The following AR variants were observed in gnomAD, a reference collection of about 807,000 sequenced individuals.
AR encodes androgen receptor.
In AR, 8 loss-of-function variants were observed where a neutral mutation model predicts 53.9. The ratio of observed to expected loss-of-function variants is 0.15; its 90% CI spans 0.09 to 0.27. The LOEUF (loss-of-function observed/expected upper bound fraction) is 0.27, where lower values mean the gene tolerates loss of function less well. AR is among the 10% of genes least tolerant of loss of function. The pLI is 1.00. For synonymous variants in AR, 359 were observed against 316.4 expected (o/e 1.13, Z -1.43); for missense variants, 639 against 742.5 (o/e 0.86, Z 1.62).
intron 1 of AR, among the ~76,000 whole-genome samples, chrX:67,621,205 C>A (rs926370672): frequency 9.0e-6 from 1 of 111,368 alleles, no homozygotes; most frequent in Non-Finnish European, 1.9e-5. Flanking sequence ...CTGGTCAATT[C>A]TCTGTCTCTA....
Position 67,602,589 on chromosome X carries a change from G to C in AR, c.1617-40667G>C, listed in dbSNP as rs183653608. Among the ~76,000 whole-genome samples, 49 of 112,065 alleles carry C rather than the reference G, an allele frequency of 4.4e-4. 1 individual carries two copies. In the South Asian group the frequency reaches 0.016, roughly 36 times the overall value. On this transcript the variant is annotated intron_variant, in intron 1 of 7. Coordinates refer to ENST00000374690, the MANE Select transcript of AR (RefSeq NM_000044.6). ...CCAGTACTAACTTGAAGATAGAGGAGGCTGCATGGAAAGTGGCCTTTAGGA... is the reference window on the plus strand; with the variant it reads ...CCAGTACTAACTTGAAGATAGAGGACGCTGCATGGAAAGTGGCCTTTAGGA...
rs1242402736 is a variant in AR at position 67,724,633 on chromosome X, G to T, written c.*792G>T. The T allele has an allele frequency of 1.7e-5, 3 of 173,683 alleles. No homozygotes were observed. The highest frequency in any genetic ancestry group is 2.2e-5 in the Non-Finnish European group (2 of 91,512). The allele number at this position is 173,683 out of a possible 1,213,427, so 14.3% of individuals were successfully genotyped here. A position where few individuals can be genotyped will look rare whatever the true frequency, so the allele number is the denominator to read the frequency against. On this transcript the variant is annotated 3_prime_UTR_variant, in exon 8 of 8. Coordinates refer to ENST00000374690, the MANE Select transcript of AR (RefSeq NM_000044.6). ...CCTGCCCACAGCCTTGGTCCCTGGGGGCTAGACTGCTCAACTGTGGAGCAA... is the reference window on the plus strand; with the variant it reads ...CCTGCCCACAGCCTTGGTCCCTGGGTGCTAGACTGCTCAACTGTGGAGCAA...
intron 2 of AR, among the ~76,000 whole-genome samples, chrX:67,659,236 C>G (rs915990310): frequency 9.1e-6 from 1 of 109,669 alleles, no homozygotes; most frequent in African/African-American, 3.3e-5. Flanking sequence ...TTTTTTTATA[C>G]TTTAAGTTTT....
In AR at chrX:67,579,359, T is replaced by G. The variant is rs146404099; in HGVS notation, c.1616+32597T>G. On this transcript the variant is annotated intron_variant, in intron 1 of 7. Transcript: ENST00000374690. ...ATCTGTGGAAAGGACTGCAGAAGAT[T>G]GGGTGGGCAGACACCTATCACTTTC... 6.6e-3 allele frequency among the ~76,000 whole-genome samples: 730 copies of G among 111,305 alleles called. 17 individuals carry two copies. The highest frequency in any genetic ancestry group is 9.3e-3 in the Middle Eastern group (2 of 216).
intron 3 of AR, among the ~76,000 whole-genome samples, chrX:67,701,551 GAATTTTTTAAAAA>G (rs1291218175): frequency 4.5e-5 from 5 of 111,742 alleles, no homozygotes; most frequent in Non-Finnish European, 7.5e-5. Flanking sequence ...CAAGTTTCAG[GAATTTTTTAAAAA>G]TCTATTAATG....
chrX:67,631,967 G>T (rs1354210062), intron 1 of AR, among the ~76,000 whole-genome samples: 1 of 113,140 alleles, frequency 8.8e-6, no homozygotes, highest in East Asian at 2.8e-4. Context: ...CAGGGGTCAG[G>T]GACCCACTTG....
chrX:67,606,234 T>C (rs1923618986), intron 1 of AR, among the ~76,000 whole-genome samples: 1 of 111,265 alleles, frequency 9.0e-6, no homozygotes, highest in African/African-American at 3.3e-5. Context: ...GAATGGCACA[T>C]ACTTCACTGT....
Position 67,726,572 on chromosome X carries a change from C to G in AR, c.*2731C>G. The G allele has an allele frequency of 5.7e-6, 1 of 175,430 alleles. No homozygotes were observed. The allele number at this position is 175,430 out of a possible 1,213,427, so 14.5% of individuals were successfully genotyped here. A position where few individuals can be genotyped will look rare whatever the true frequency, so the allele number is the denominator to read the frequency against. ...CAAAAGCCAAAAATCAGTGAAACAG[C>G]AGTGTAATTAAAAGCAACAACTGGA... On this transcript the variant is annotated 3_prime_UTR_variant, in exon 8 of 8. Coordinates refer to ENST00000374690, the MANE Select transcript of AR (RefSeq NM_000044.6).
chrX:67,656,944 A>G (rs1242703739), intron 2 of AR, among the ~76,000 whole-genome samples: 2 of 109,821 alleles, frequency 1.8e-5, no homozygotes, highest in African/African-American at 6.6e-5. Context: ...ACAAAAATTA[A>G]ATACTGCTGT....
intron 2 of AR, among the ~76,000 whole-genome samples, chrX:67,645,742 G>A (rs2361636): frequency 0.057 from 6,284 of 109,462 alleles, 473 homozygotes; most frequent in African/African-American, 0.2. Context: ...ACACACACAC[G>A]CACACAAACA....
chrX:67,684,875 T>A (rs2147495662), intron 2 of AR, among the ~76,000 whole-genome samples: 1 of 111,474 alleles, frequency 9.0e-6, no homozygotes, highest in South Asian at 3.8e-4. Flanking sequence ...TAGTTGTTTT[T>A]TTTTCTACTC....
intron 1 of AR, among the ~76,000 whole-genome samples, chrX:67,597,830 T>G (rs1457329500): frequency 8.9e-6 from 1 of 112,276 alleles, no homozygotes; most frequent in Non-Finnish European, 1.9e-5. Context: ...AATAGAATTA[T>G]CCAACTACCA....
At chrX:67,653,580 G>T (rs1926448544) in intron 2 of AR, among the ~76,000 whole-genome samples, 1 of 111,324 alleles carries the variant, frequency 9.0e-6, no homozygotes, top group South Asian at 3.8e-4. Context: ...GAACATTATG[G>T]AATCTGGAGG....
At chrX:67,547,671 AG>A (rs1187746078) in intron 1 of AR, among the ~76,000 whole-genome samples, 1 of 112,275 alleles carries the variant, frequency 8.9e-6, no homozygotes, top group African/African-American at 3.2e-5. Context: ...TTTTTTGTAA[AG>A]CATTTCCTGC....
chrX:67,642,726 C>T (rs963018977), intron 1 of AR, among the ~76,000 whole-genome samples: 3 of 111,580 alleles, frequency 2.7e-5, no homozygotes, highest in African/African-American at 9.8e-5. Context: ...GCATTTTATC[C>T]ATTATCTGAT....
chrX:67,686,379 C>T (rs921657601), intron 3 of AR, among the ~76,000 whole-genome samples: 4 of 111,492 alleles, frequency 3.6e-5, no homozygotes, highest in African/African-American at 1.3e-4. Context: ...GATCAGGAGC[C>T]AACAGAAGGT....
intron 1 of AR, among the ~76,000 whole-genome samples, chrX:67,631,597 A>G (rs1311803161): frequency 1.8e-5 from 2 of 111,774 alleles, no homozygotes; most frequent in African/African-American, 6.5e-5. Context: ...GTCCTCCCAT[A>G]GCTTGGAGTA....
At chrX:67,666,496 A>G (rs773892999) in intron 2 of AR, among the ~76,000 whole-genome samples, 3 of 112,007 alleles carry the variant, frequency 2.7e-5, no homozygotes, top group East Asian at 2.8e-4. Context: ...AATATTGACT[A>G]TTGTGAATAG....
chrX:67,657,013 T>C (rs755942901), intron 2 of AR, among the ~76,000 whole-genome samples: 49 of 110,742 alleles, frequency 4.4e-4, no homozygotes, highest in Admixed American at 9.7e-4. Context: ...TAGCAATTGA[T>C]TGGTTTAAAT....
Sources: allele counts gnomAD v4.1 joint callset (sites outside exome capture counted in the v4.1 genomes callset), GRCh38; gene constraint gnomAD v4.1.1; transcripts MANE v1.5; gene names NCBI Gene and HGNC (gene_info 2026-07-23, HGNC 2026-07-21).